CDK5RAP3: variants seen among roughly 807,000 people sequenced by gnomAD.
CDK5RAP3 encodes CDK5 regulatory subunit-associated protein 3.
A neutral mutation model predicts 73.3 loss-of-function variants in CDK5RAP3; 58 were observed. The observed-to-expected ratio is 0.79, with a 90% CI of 0.64 to 0.98. The LOEUF (loss-of-function observed/expected upper bound fraction) is 0.98. Ranked by LOEUF, CDK5RAP3 falls within the 50% of genes least tolerant of loss-of-function variation. The pLI is 0.00. For synonymous variants in CDK5RAP3, 224 were observed against 247.5 expected, an observed-to-expected ratio of 0.91 and a Z score of 0.89; for missense variants, 525 against 615.8, an observed-to-expected ratio of 0.85 and a Z score of 1.56.
At chr17:47,971,760 A>G (rs2255815) in intron 2 of CDK5RAP3, among the ~76,000 whole-genome samples, 105,420 of 151,810 alleles carry the variant, frequency 0.69, 36,806 homozygotes, top group East Asian at 0.76. Flanking sequence ...ACCTGAGGTC[A>G]GGAGTTCGAG....
rs755341904 is a variant in CDK5RAP3, at chr17:47,978,858, G to T, written c.1018G>T (p.Ala340Ser). Reference protein sequence around the residue: ...APEGVARGPDALTLLEYTETR... With the variant: ...APEGVARGPDSLTLLEYTETR... ...AGAAGGTGTTGCCAGGGGCCCAGAT[G>T]CCCTGACACTGCTTGAATACACTGA... The change falls in exon 11 of 14, where the codon GCC (alanine) becomes TCC (serine). Residue 340 changes from alanine to serine, a missense_variant. Transcript: ENST00000338399. 3 of 1,613,928 alleles carry T rather than the reference G, an allele frequency of 1.9e-6. No homozygotes were observed. Among genetic ancestry groups the T allele is most frequent in the Non-Finnish European group, 2.5e-6 (3 of 1,179,934 alleles).
rs1277726876 is a variant in CDK5RAP3, at chr17:47,975,787, T to A, written c.654-82T>A. 3.7e-6 allele frequency: 6 copies of A among 1,600,860 alleles called. No homozygotes were observed. In the Admixed American group the frequency reaches 8.4e-5, roughly 22 times the overall value. On this transcript the variant is annotated intron_variant, in intron 7 of 13. Transcript: ENST00000338399. ...CCTGAACCTGTGGGGGCCTTGCCCA[T>A]TTGACCATGTGGCCCAGGCCAAAGC... is the stretch of plus-strand genomic sequence containing the variant.
At chr17:47,979,747 C>G (rs1404338287) in intron 11 of CDK5RAP3, 1 of 152,292 alleles carries the variant, frequency 6.6e-6, no homozygotes, top group Non-Finnish European at 1.5e-5. Flanking sequence ...CTGCTCCCTT[C>G]CCAGTAGCCT....
In CDK5RAP3 at chr17:47,981,467, G is replaced by A. The variant is rs762802476; in HGVS notation, c.1486G>A (p.Gly496Arg). 4.0e-5 allele frequency: 64 copies of A among 1,614,106 alleles called. No individual in the cohort carries two copies. The highest frequency in any genetic ancestry group is 4.7e-5 in the Non-Finnish European group (56 of 1,180,052). Reference protein sequence around the residue: ...IEADISKRYSGRPVNLMGTSL With the variant: ...IEADISKRYSRRPVNLMGTSL ...AGCTGACATCTCCAAGAGGTACAGC[G>A]GGCGCCCTGTGAACCTGATGGGAAC... is the stretch of plus-strand genomic sequence containing the variant. The change falls in exon 14 of 14, where the codon GGG becomes AGG. Residue 496 changes from glycine (G) to arginine (R), a missense_variant. Gly to Arg is a moderately radical substitution (Grantham distance 125). This residue lies in a region of CDK5RAP3 where 116 missense variants were observed against 186.1 expected (regional missense o/e 0.62). Transcript: ENST00000338399.
chr17:47,978,801 T>C lies in CDK5RAP3; in HGVS notation c.989-28T>C, dbSNP rs764845440. The C allele has an allele frequency of 5.7e-6, 9 of 1,576,234 alleles. No homozygotes were observed. The Admixed American group carries it at 8.3e-5, about 15-fold the overall frequency. ...TTTCCTTCTCCAGTCCTCTGATCCT[T>C]TATCACTTCTCTGTCTCTTCCTGGC... On this transcript the variant is annotated intron_variant, in intron 10 of 13. Transcript: ENST00000338399.
intron 5 of CDK5RAP3, 42 bp downstream of exon 5, chr17:47,974,490 G>T: frequency 1.2e-6 from 2 of 1,613,924 alleles, no homozygotes; most frequent in Middle Eastern, 1.7e-4. Context: ...CCATGGGGAA[G>T]CCCACTCTCA....
intron 10 of CDK5RAP3, chr17:47,978,131 A>G (rs1207359753): frequency 7.2e-6 from 3 of 419,098 alleles, no homozygotes; most frequent in South Asian, 5.2e-5. Context: ...GTGCAATGGC[A>G]TGATCTCAGC....
upstream of CDK5RAP3, among the ~76,000 whole-genome samples, chr17:47,969,556 CAAAAAA>C (rs36208323): frequency 3.9e-4 from 31 of 79,850 alleles, no homozygotes; most frequent in Non-Finnish European, 5.4e-4. Context: ...GACTCCGTCT[CAAAAAA>C]AAAAAAAAAA....
chr17:47,971,553 GACCT>G (rs982144347), intron 2 of CDK5RAP3, 146 bp downstream of exon 2: 1 of 772,342 alleles, frequency 1.3e-6, no homozygotes, highest in African/African-American at 1.8e-5. Flanking sequence ...TCTGTGGCCA[GACCT>G]GCTTCCCTGA....
chr17:47,970,641 G>C, upstream of CDK5RAP3: 1 of 1,535,190 alleles, frequency 6.5e-7, no homozygotes, highest in Non-Finnish European at 8.7e-7. Flanking sequence ...TAGAGAAACT[G>C]AATGAGGAGG....
At chr17:47,977,741 C>T in intron 9 of CDK5RAP3, 91 bp from the exon 10 acceptor site, 1 of 1,057,444 alleles carries the variant, frequency 9.5e-7, no homozygotes, top group Non-Finnish European at 1.4e-6. Flanking sequence ...AATGTGCAGC[C>T]ATTGACCTCA....
intron 6 of CDK5RAP3, 51 bp from the exon 7 acceptor site, chr17:47,975,463 T>C (rs1478209152): frequency 6.2e-7 from 1 of 1,609,510 alleles, no homozygotes; most frequent in South Asian, 1.1e-5. Flanking sequence ...TTCTTCGGTC[T>C]TTGGATGTTT....
intron 2 of CDK5RAP3, 94 bp from the exon 3 acceptor site, chr17:47,973,425 C>A: frequency 6.8e-7 from 1 of 1,464,868 alleles, no homozygotes; most frequent in South Asian, 1.3e-5. Flanking sequence ...GTAAAGAAAA[C>A]TTTTAGACTA....
chr17:47,973,913 C>T lies in CDK5RAP3; in HGVS notation c.185-18C>T, dbSNP rs555156669. ...AGAAGATACTTTAGTTCTCGAAATC[C>T]CGTCTCTTGCTTTCTAGACATTCAC... On this transcript the variant is annotated intron_variant, in intron 3 of 13. Coordinates refer to ENST00000338399, the MANE Select transcript of CDK5RAP3 (RefSeq NM_176096.3). 6.3e-7 allele frequency: 1 copy of T among 1,592,116 alleles called. No individual in the cohort carries two copies. Among genetic ancestry groups the T allele is most frequent in the South Asian group, 1.1e-5 (1 of 90,620 alleles).
intron 11 of CDK5RAP3, chr17:47,979,666 A>C (rs1163018102): frequency 6.6e-6 from 1 of 152,544 alleles, no homozygotes; most frequent in Admixed American, 6.5e-5. Flanking sequence ...GCCCAGCGTA[A>C]GGAGCCAGCG....
chr17:47,970,350 C>A (rs1296626669), upstream of CDK5RAP3, among the ~76,000 whole-genome samples: 1 of 152,162 alleles, frequency 6.6e-6, no homozygotes, highest in Non-Finnish European at 1.5e-5. Context: ...CATTTTGTAA[C>A]AAGCAGCTGT....
rs1278261891 is a variant in CDK5RAP3 at position 47,981,422 on chromosome 17, G to GTATCACTCTTTCAGA, written c.1456-13_1457dup. 6.2e-7 allele frequency: 1 copy of GTATCACTCTTTCAGA among 1,614,104 alleles called. No individual in the cohort carries two copies. Among genetic ancestry groups the GTATCACTCTTTCAGA allele is most frequent in the Non-Finnish European group, 8.5e-7 (1 of 1,180,052 alleles). ...GAGCACCCCTGCTTCTGCCCACTTG[G>GTATCACTCTTTCAGA]TATCACTCTTTCAGATTGAAGCTGA... On this transcript the variant is annotated splice_polypyrimidine_tract_variant and intron_variant, in intron 13 of 13. Coordinates refer to ENST00000338399, the MANE Select transcript of CDK5RAP3 (RefSeq NM_176096.3).
At chr17:47,977,699 A>G (rs1035906180) in intron 9 of CDK5RAP3, 133 bp from the exon 10 acceptor site, 8 of 708,938 alleles carry the variant, frequency 1.1e-5, no homozygotes, top group Non-Finnish European at 1.4e-5. Context: ...TTTGGCACCT[A>G]AGTCAGGGCT....
chr17:47,977,763 G>T, intron 9 of CDK5RAP3, 69 bp from the exon 10 acceptor site: 5 of 1,319,646 alleles, frequency 3.8e-6, no homozygotes, highest in South Asian at 1.2e-5. Flanking sequence ...CAAGGGCTTT[G>T]GTTTATTCTG....
Sources: allele counts gnomAD v4.1 joint callset (sites outside exome capture counted in the v4.1 genomes callset), GRCh38; gene constraint gnomAD v4.1.1; regional missense constraint gnomAD v4.1.1; transcripts MANE v1.5; gene names NCBI Gene and HGNC (gene_info 2026-07-23, HGNC 2026-07-21).